AKAP6: variants seen among roughly 807,000 people sequenced by gnomAD.
AKAP6 encodes A-kinase anchoring protein 6, also known as A-kinase anchor protein 6.
Under a neutral mutation model 188.5 loss-of-function variants are expected in AKAP6, and 58 were observed. The ratio of observed to expected loss-of-function variants is 0.31; its 90% confidence interval spans 0.25 to 0.38. AKAP6 has a LOEUF of 0.38. Ranked by LOEUF, AKAP6 falls within the 10% of genes least tolerant of loss-of-function variation. The pLI, the probability that AKAP6 is intolerant of heterozygous loss-of-function variation, is 1.00. For synonymous variants in AKAP6, 989 were observed against 998.6 expected, an observed-to-expected ratio of 0.99 and a Z score of 0.18; for missense variants, 2,710 against 2,740.0, an observed-to-expected ratio of 0.99 and a Z score of 0.24.
chr14:32,608,124 C>G (rs1280832442), intron 7 of AKAP6, among the ~76,000 whole-genome samples: 2 of 152,072 alleles, frequency 1.3e-5, no homozygotes, highest in Admixed American at 1.3e-4. Flanking sequence ...GTCTGCCACT[C>G]TCTTGAGATG....
intron 12 of AKAP6, among the ~76,000 whole-genome samples, chr14:32,817,109 TC>T (rs1262664372): frequency 1.3e-5 from 2 of 152,294 alleles, no homozygotes; most frequent in Admixed American, 6.5e-5. Context: ...ACTGTCGAGT[TC>T]CTTTATCTTT....
intron 10 of AKAP6, chr14:32,733,675 G>A (rs2031288851): frequency 6.6e-6 from 1 of 152,122 alleles, no homozygotes; most frequent in South Asian, 2.1e-4. Flanking sequence ...GTTGTGCAAA[G>A]TAACTTAAAA....
At chr14:32,715,194 T>G (rs1000323026) in intron 9 of AKAP6, among the ~76,000 whole-genome samples, 1 of 152,204 alleles carries the variant, frequency 6.6e-6, no homozygotes, top group African/African-American at 2.4e-5. Context: ...CAAAGACATT[T>G]TTCACCTGAA....
At chr14:32,665,421 A>T (rs1305643906) in intron 7 of AKAP6, among the ~76,000 whole-genome samples, 1 of 152,118 alleles carries the variant, frequency 6.6e-6, no homozygotes, top group East Asian at 1.9e-4. Context: ...TTTATTATAA[A>T]GGATATTGTA....
chr14:32,442,162 C>A (rs566527305), intron 2 of AKAP6, among the ~76,000 whole-genome samples: 1 of 152,304 alleles, frequency 6.6e-6, no homozygotes, highest in East Asian at 1.9e-4. Flanking sequence ...ATTTAATCCT[C>A]ACAATCACCC....
intron 12 of AKAP6, among the ~76,000 whole-genome samples, chr14:32,776,680 T>A (rs1340291317): frequency 6.6e-6 from 1 of 152,212 alleles, no homozygotes; most frequent in African/African-American, 2.4e-5. Flanking sequence ...AGTTACTGTA[T>A]CTATATTCTA....
intron 1 of AKAP6, among the ~76,000 whole-genome samples, chr14:32,370,307 G>GCT (rs1293200385): frequency 6.6e-6 from 1 of 152,228 alleles, no homozygotes; most frequent in African/African-American, 2.4e-5. Context: ...GAAGGGAGAA[G>GCT]CTTTCTTGGT....
In AKAP6 at chr14:32,735,654, T is replaced by C; in HGVS notation, c.3148-4T>C. ...ATTTTTTGTTTTTTAATCTGATGCA[T>C]TAGAAAACCCTAGGAGAGAAGATCC... On this transcript the variant is annotated splice_polypyrimidine_tract_variant and splice_region_variant and intron_variant, in intron 10 of 13. Transcript: ENST00000280979. 2 of 1,542,754 alleles carry C rather than the reference T, an allele frequency of 1.3e-6. No homozygotes were observed. Among genetic ancestry groups the C allele is most frequent in the South Asian group, 2.4e-5 (2 of 81,772 alleles).
At chr14:32,792,480 C>T (rs935352926) in intron 12 of AKAP6, among the ~76,000 whole-genome samples, 5 of 152,152 alleles carry the variant, frequency 3.3e-5, no homozygotes, top group African/African-American at 1.2e-4. Context: ...TATCCTGAGA[C>T]TTTGTTGAAG....
rs777171525 is a variant in AKAP6 at position 32,545,909 on chromosome 14, C to G, written c.1256C>G (p.Pro419Arg). The change falls in exon 4 of 14, where the codon CCT becomes CGT. Residue 419 changes from proline (P) to arginine (R), a missense_variant. By Grantham distance (103) the Pro-to-Arg change is moderately radical. Around this residue, in one of 2 missense-constraint regions of AKAP6, gnomAD observed 2,473 missense variants for 2,426.1 expected, o/e 1.02. Transcript: ENST00000280979. ...AAGAGGCAAATGGTTGATCTAAAGC[C>G]TGAGATGAGCAGAAGCACCCCTTCG... is the stretch of plus-strand genomic sequence containing the variant. The part of the protein sequence containing the change: ...GGKRQMVDLK[P>R]EMSRSTPSLV... 9.3e-6 allele frequency: 15 copies of G among 1,614,150 alleles called. No homozygotes were observed. The highest frequency in any genetic ancestry group is 1.2e-5 in the Non-Finnish European group (14 of 1,180,028).
chr14:32,482,726 A>G (rs1359814638), intron 2 of AKAP6, among the ~76,000 whole-genome samples: 3 of 152,208 alleles, frequency 2.0e-5, no homozygotes, highest in Admixed American at 2.0e-4. Context: ...ACATAAATGT[A>G]TTACAGACTT....
At chr14:32,573,820 A>G (rs1324187331) in intron 4 of AKAP6, among the ~76,000 whole-genome samples, 1 of 152,150 alleles carries the variant, frequency 6.6e-6, no homozygotes, top group Non-Finnish European at 1.5e-5. Flanking sequence ...GGCATCAAGT[A>G]TTTGTTGTGT....
At chr14:32,757,113 T>C (rs1199610554) in intron 11 of AKAP6, among the ~76,000 whole-genome samples, 1 of 152,160 alleles carries the variant, frequency 6.6e-6, no homozygotes, top group Non-Finnish European at 1.5e-5. Flanking sequence ...CTGCCGAGGC[T>C]TGGGGAAGGA....
At chr14:32,750,550 C>T (rs1408439520) in intron 11 of AKAP6, among the ~76,000 whole-genome samples, 3 of 150,806 alleles carry the variant, frequency 2.0e-5, no homozygotes, top group African/African-American at 7.3e-5. Context: ...AGTAAGACCC[C>T]ATCTCTACAA....
intron 2 of AKAP6, among the ~76,000 whole-genome samples, chr14:32,522,084 G>A (rs1245616554): frequency 1.3e-5 from 2 of 152,144 alleles, no homozygotes; most frequent in African/African-American, 2.4e-5. Flanking sequence ...AACAAGAAAT[G>A]GGGAAAGGAT....
chr14:32,737,986 TAG>T (rs2031506476), intron 11 of AKAP6, among the ~76,000 whole-genome samples: 1 of 152,098 alleles, frequency 6.6e-6, no homozygotes, highest in African/African-American at 2.4e-5. Context: ...AATATGGGAT[TAG>T]ACACAGAAGA....
chr14:32,679,005 A>G (rs1889559653), intron 8 of AKAP6, among the ~76,000 whole-genome samples: 1 of 152,184 alleles, frequency 6.6e-6, no homozygotes, highest in Admixed American at 6.6e-5. Flanking sequence ...TCAGTGACCC[A>G]TCAACAATTT....
Position 32,728,054 on chromosome 14 carries a change from C to T in AKAP6, c.3001-4400C>T, listed in dbSNP as rs141275407. Among the ~76,000 whole-genome samples, 424 of 152,208 alleles carry T rather than the reference C, an allele frequency of 2.8e-3. 7 individuals carry two copies. The highest frequency in any genetic ancestry group is 2.3e-3 in the East Asian group (12 of 5,168). On this transcript the variant is annotated intron_variant, in intron 9 of 13. Transcript: ENST00000280979. ...TCCGCATGGACAGCTGAGCTTGGAC[C>T]CTGGACTTTTATATAAAAAGACTCT...
intron 5 of AKAP6, among the ~76,000 whole-genome samples, chr14:32,585,374 G>A (rs78732416): frequency 0.075 from 11,472 of 152,214 alleles, 1,415 homozygotes; most frequent in African/African-American, 0.26. Context: ...AGATAGCACC[G>A]TGTTATTCTG....
Sources: allele counts gnomAD v4.1 joint callset (sites outside exome capture counted in the v4.1 genomes callset), GRCh38; gene constraint gnomAD v4.1.1; regional missense constraint gnomAD v4.1.1; transcripts MANE v1.5; gene names NCBI Gene and HGNC (gene_info 2026-07-23, HGNC 2026-07-21).